OTOG: variants seen among roughly 807,000 people sequenced by gnomAD.
The protein encoded by OTOG is otogelin.
OTOG carries 296 observed loss-of-function variants against 313.8 expected under a neutral mutation model. That is an observed-to-expected ratio of 0.94 (90% confidence interval 0.86 to 1.04). The LOEUF (loss-of-function observed/expected upper bound fraction) is 1.04, where lower values mean the gene tolerates loss of function less well. OTOG is among the 50% of genes least tolerant of loss of function. The pLI, the probability that OTOG is intolerant of heterozygous loss-of-function variation, is 0.00. For missense variants in OTOG, 3,948 were observed against 3,840.1 expected (o/e 1.03, Z -0.74); for synonymous variants, 1,533 against 1,554.9 (o/e 0.99, Z 0.33).
intron 30 of OTOG, among the ~76,000 whole-genome samples, chr11:17,599,365 G>A (rs1312792478): frequency 6.6e-6 from 1 of 152,166 alleles, no homozygotes; most frequent in African/African-American, 2.4e-5. Context: ...GCTCTTTGGC[G>A]CCACACAAAA....
At chr11:17,565,507 A>G (rs1299062773) in intron 15 of OTOG, among the ~76,000 whole-genome samples, 1 of 151,924 alleles carries the variant, frequency 6.6e-6, no homozygotes, top group Non-Finnish European at 1.5e-5. Flanking sequence ...CCCCCTTTCC[A>G]TACTGTTCTT....
Position 17,578,482 on chromosome 11 carries a change from G to A in OTOG, c.2715G>A (p.Val905=). 3 of 1,540,646 alleles carry A rather than the reference G, an allele frequency of 1.9e-6. No individual in the cohort carries two copies. Among genetic ancestry groups the A allele is most frequent in the Non-Finnish European group, 2.6e-6 (3 of 1,146,856 alleles). Residue 905 remains valine, a synonymous_variant, in exon 23 of 56, where the codon GTG becomes GTA. Transcript: ENST00000399397. ...AGCAGCAACTGCTGAACCTGAGCGTGTCAGCCCGTGGCCCCTGCCTCTCGG... is the reference window on the plus strand; with the variant it reads ...AGCAGCAACTGCTGAACCTGAGCGTATCAGCCCGTGGCCCCTGCCTCTCGG... ...TCEQQLLNLS[V]SARGPCLSGC... is the part of the protein sequence containing the mutation.
chr11:17,602,775 C>T (rs1853286355), intron 32 of OTOG, among the ~76,000 whole-genome samples: 1 of 152,104 alleles, frequency 6.6e-6, no homozygotes, highest in South Asian at 2.1e-4. Flanking sequence ...GCCTCCCACC[C>T]TTTCACTGAG....
Position 17,559,884 on chromosome 11 carries a change from G to C in OTOG, c.1342+222G>C, listed in dbSNP as rs10832800. Among the ~76,000 whole-genome samples the C allele has an allele frequency of 0.25, 37,098 of 147,102 alleles. 6,488 individuals are homozygous for C. Among genetic ancestry groups the C allele is most frequent in the African/African-American group, 0.51 (20,152 of 39,234 alleles). On this transcript the variant is annotated intron_variant, in intron 12 of 55. Transcript: ENST00000399397. ...AGGGAAGAAGGAAGGAAGGAAGGAA[G>C]GGAGAGAGGGAGGGAGGGAGGAAGG...
Position 17,561,136 on chromosome 11 carries a change from A to T in OTOG, c.1497A>T (p.Pro499=). The T allele has an allele frequency of 6.4e-7, 1 of 1,550,542 alleles. No individual in the cohort carries two copies. Residue 499 remains proline (P), a splice_region_variant and synonymous_variant, in exon 14 of 56, where the codon CCA becomes CCT. Transcript: ENST00000399397. ...GGGAGTGCAGCACAGCTGTCTGCCCAGGTATGTCTGCCCCCCACCTTGCAC... is the reference window on the plus strand; with the variant it reads ...GGGAGTGCAGCACAGCTGTCTGCCCTGGTATGTCTGCCCCCCACCTTGCAC... ...GKWECSTAVC[P]AECSVTGDIH...
intron 30 of OTOG, among the ~76,000 whole-genome samples, chr11:17,597,812 G>A (rs532014127): frequency 4.6e-5 from 7 of 152,184 alleles, no homozygotes; most frequent in Non-Finnish European, 1.0e-4. Flanking sequence ...ACAGCCTTGC[G>A]CTCTGGGGTC....
rs1245273408 is a variant in OTOG, at chr11:17,613,194, CTTTTCTTTCTTT to C, written c.6439-417_6439-406del. ...CTTTTCTTTCTTTCTTTCTTTCTTT[CTTTTCTTTCTTT>C]CTTTCTTTCTTTCTTTCTTTCTTTC... On this transcript the variant is annotated intron_variant, in intron 38 of 55. Coordinates refer to ENST00000399397, the MANE Select transcript of OTOG (RefSeq NM_001292063.2). Among the ~76,000 whole-genome samples the C allele has an allele frequency of 5.3e-4, 26 of 48,642 alleles. 1 individual carries two copies. The highest frequency in any genetic ancestry group is 2.0e-3 in the South Asian group (3 of 1,520). The allele number at this position is 48,642 out of a possible 152,430, so 31.9% of individuals were successfully genotyped here.
chr11:17,569,215 G>T lies in OTOG; in HGVS notation c.1704G>T (p.Arg568Ser). Residue 568 changes from arginine to serine, a missense_variant, in exon 16 of 56, where the codon AGG (arginine) becomes AGT (serine). Coordinates refer to ENST00000399397, the MANE Select transcript of OTOG (RefSeq NM_001292063.2). The part of the protein sequence containing the change: ...VSVILHQDPR[R>S]QVTLTQAGDV... ...TGATTCTGCACCAGGACCCTCGGAG[G>T]CAGGTGACCCTGACCCAGGCAGGGG... is the stretch of plus-strand genomic sequence containing the variant. 6.4e-7 allele frequency: 1 copy of T among 1,550,598 alleles called. No homozygotes were observed. The highest frequency in any genetic ancestry group is 8.7e-7 in the Non-Finnish European group (1 of 1,147,012).
At position 17,594,108 on chromosome 11, in the gene OTOG, C is replaced by G; in HGVS notation, c.3350C>G (p.Pro1117Arg). Residue 1117 changes from proline (P) to arginine (R), a missense_variant, in exon 28 of 56, where the codon CCG becomes CGG. Physicochemically the swap from Pro to Arg is moderately radical, Grantham distance 103. Coordinates refer to ENST00000399397, the MANE Select transcript of OTOG (RefSeq NM_001292063.2). ...AAAACCATCAATGAGATGAGGACCC[C>G]GGAGAACCTAGAGCTAACTAACCCC... ...DLKTINEMRT[P>R]ENLELTNPQE... 6.4e-7 allele frequency: 1 copy of G among 1,550,442 alleles called. No homozygotes were observed. Among genetic ancestry groups the G allele is most frequent in the South Asian group, 1.2e-5 (1 of 84,052 alleles).
intron 15 of OTOG, among the ~76,000 whole-genome samples, chr11:17,562,450 T>A (rs1054019247): frequency 6.6e-6 from 1 of 152,198 alleles, no homozygotes; most frequent in East Asian, 1.9e-4. Context: ...TAAAAAAGAA[T>A]GAATGTTCTA....
In OTOG at chr11:17,593,252, C is replaced by T. The variant is rs958990297; in HGVS notation, c.3066C>T (p.Gly1022=). Residue 1022 remains glycine (G), a synonymous_variant, in exon 26 of 56, where the codon GGC becomes GGT. Coordinates refer to ENST00000399397, the MANE Select transcript of OTOG (RefSeq NM_001292063.2). The part of the protein sequence containing the change: ...IVENVNCYSS[G]MICRKFISIN... ...AGAATGTGAACTGCTACAGCTCTGGCATGATCTGCAGGAAATTTATTTCCA... is the reference window on the plus strand; with the variant it reads ...AGAATGTGAACTGCTACAGCTCTGGTATGATCTGCAGGAAATTTATTTCCA... 3 of 1,549,918 alleles carry T rather than the reference C, an allele frequency of 1.9e-6. No homozygotes were observed. Among genetic ancestry groups the T allele is most frequent in the African/African-American group, 2.7e-5 (2 of 73,024 alleles).
At chr11:17,644,345 G>C (rs1433041438) in intron 54 of OTOG, among the ~76,000 whole-genome samples, 1 of 152,254 alleles carries the variant, frequency 6.6e-6, no homozygotes, top group Non-Finnish European at 1.5e-5. Context: ...CTTAGCTATG[G>C]CCAGAAGCCA....
At position 17,594,170 on chromosome 11, in the gene OTOG, A is replaced by G. The variant is rs1590027306; in HGVS notation, c.3408+4A>G. ...CAGCAGTTGGGCTGCAGTTGAGGTA[A>G]AGCCTCTCTTCCAGGCTGGCTTATG... On this transcript the variant is annotated splice_donor_region_variant and intron_variant, in intron 28 of 55. Coordinates refer to ENST00000399397, the MANE Select transcript of OTOG (RefSeq NM_001292063.2). The G allele has an allele frequency of 1.3e-6, 2 of 1,550,476 alleles. No individual in the cohort carries two copies. The highest frequency in any genetic ancestry group is 2.7e-5 in the African/African-American group (2 of 73,042).
At chr11:17,575,551 A>G (rs1318037999) in intron 20 of OTOG, among the ~76,000 whole-genome samples, 1 of 152,208 alleles carries the variant, frequency 6.6e-6, no homozygotes, top group Non-Finnish European at 1.5e-5. Flanking sequence ...GCAGAGCAGC[A>G]GGAGGATAGT....
Position 17,608,161 on chromosome 11 carries a change from T to C in OTOG, c.4157-135T>C, listed in dbSNP as rs113019435. On this transcript the variant is annotated intron_variant, in intron 33 of 55. Coordinates refer to ENST00000399397, the MANE Select transcript of OTOG (RefSeq NM_001292063.2). ...CACCATGAACGCAGTTTCTCCTTAG[T>C]GTGGTTTTTTCCCCATTTGCTTTCC... is the stretch of plus-strand genomic sequence containing the variant. The C allele has an allele frequency of 3.9e-3, 2,264 of 580,334 alleles. 38 individuals are homozygous for C. In the African/African-American group the frequency reaches 0.04, roughly 10 times the overall value. 35.9% of individuals were successfully genotyped at this position (580,334 alleles called of 1,614,324 possible).
In OTOG at chr11:17,558,227, A is replaced by T. The variant is rs1436398325; in HGVS notation, c.908A>T (p.Gln303Leu). The change falls in exon 9 of 56, where the codon CAG becomes CTG. Residue 303 changes from glutamine (Q) to leucine (L), a missense_variant. Gln to Leu is a moderately radical substitution (Grantham distance 113, BLOSUM62 -2). Transcript: ENST00000399397. ...GTGGTTGAGTTTGTGCACAGCTGGC[A>T]GGAGCAGGCCCCTAACCAGCCTCCA... ...DDVVEFVHSWQEQAPNQPPGP... is the reference protein window; with the variant it reads ...DDVVEFVHSWLEQAPNQPPGP... The T allele has an allele frequency of 6.4e-7, 1 of 1,550,534 alleles. No homozygotes were observed. The highest frequency in any genetic ancestry group is 1.2e-5 in the South Asian group (1 of 84,060).
intron 15 of OTOG, among the ~76,000 whole-genome samples, chr11:17,565,180 T>C (rs1304191150): frequency 6.6e-6 from 1 of 152,240 alleles, no homozygotes; most frequent in Non-Finnish European, 1.5e-5. Context: ...ATAGTCATCA[T>C]GTCTCCTTAG....
At chr11:17,626,114 T>C (rs1195930004) in intron 39 of OTOG, among the ~76,000 whole-genome samples, 2 of 152,156 alleles carry the variant, frequency 1.3e-5, no homozygotes, top group Non-Finnish European at 2.9e-5. Context: ...TCACTGAAGG[T>C]GTATGAATTT....
In OTOG at chr11:17,599,709, C is replaced by G. The variant is rs1338472372; in HGVS notation, c.3709+12C>G. 8 of 1,550,366 alleles carry G rather than the reference C, an allele frequency of 5.2e-6. No homozygotes were observed. Among genetic ancestry groups the G allele is most frequent in the East Asian group, 2.4e-5 (1 of 40,922 alleles). ...CTTCTTTAACAAAGGTAAGCCCCTC[C>G]TCCCCACGCAGAGTCTCAGGGGCTC... On this transcript the variant is annotated intron_variant, in intron 31 of 55. Transcript: ENST00000399397.
Sources: gnomAD v4.1 joint callset for allele counts (sites outside exome capture counted in the v4.1 genomes callset) on GRCh38, gnomAD v4.1.1 for gene constraint, MANE v1.5 for transcripts, NCBI Gene and HGNC (gene_info 2026-07-23, HGNC 2026-07-21) for gene names.